Variants in AHR observed in about 807,000 individuals in gnomAD.
The protein encoded by AHR is aryl hydrocarbon receptor.
In AHR, 40 loss-of-function variants were observed where a neutral mutation model predicts 86.8. That is an observed-to-expected ratio of 0.46 (90% CI 0.36 to 0.60). AHR has a LOEUF of 0.60. Among genes scored for constraint, AHR ranks in the 20% least tolerant of loss-of-function variants. AHR has a pLI of 0.00. For synonymous variants in AHR, 398 were observed against 354.9 expected (o/e 1.12, Z -1.37); for missense variants, 1,001 against 1,011.6 (o/e 0.99, Z 0.14).
intron 9 of AHR, among the ~76,000 whole-genome samples, chr7:17,336,754 G>A (rs1266970969): frequency 1.3e-5 from 2 of 152,172 alleles, no homozygotes; most frequent in Non-Finnish European, 2.9e-5. Context: ...ATGGGTATGT[G>A]TGTACCTCTA....
intron 6 of AHR, among the ~76,000 whole-genome samples, chr7:17,331,438 A>G (rs1408295629): frequency 6.6e-6 from 1 of 151,948 alleles, no homozygotes; most frequent in Non-Finnish European, 1.5e-5. Flanking sequence ...TAACTCAGAA[A>G]ACTGTTCTTT....
rs71309046 is a variant in AHR, at chr7:17,321,594, T to TACACACACACACAC, written c.254-895_254-882dup. Among the ~76,000 whole-genome samples, 123 of 147,726 alleles carry TACACACACACACAC rather than the reference T, an allele frequency of 8.3e-4. 1 individual carries two copies. The highest frequency in any genetic ancestry group is 6.0e-3 in the South Asian group (28 of 4,664). ...TATAAATACATACATACCACACACA[T>TACACACACACACAC]ACACACACACACACACACACACACA... On this transcript the variant is annotated intron_variant, in intron 2 of 10. Coordinates refer to ENST00000242057, the MANE Select transcript of AHR (RefSeq NM_001621.5).
In AHR at chr7:17,339,373, G is replaced by T; in HGVS notation, c.1548G>T (p.Gln516His). 1.2e-6 allele frequency: 2 copies of T among 1,614,182 alleles called. No individual in the cohort carries two copies. Among genetic ancestry groups the T allele is most frequent in the African/African-American group, 1.3e-5 (1 of 75,036 alleles). Residue 516 changes from glutamine (Q) to histidine (H), a missense_variant, in exon 10 of 11, where the codon CAG becomes CAT. Coordinates refer to ENST00000242057, the MANE Select transcript of AHR (RefSeq NM_001621.5). The part of the protein sequence containing the change: ...DTILKHEQID[Q>H]PQDVNSFAGG... ...TCCTGAAACATGAGCAAATTGACCA[G>T]CCTCAGGATGTGAACTCATTTGCTG... is the stretch of plus-strand genomic sequence containing the variant.
intron 3 of AHR, among the ~76,000 whole-genome samples, chr7:17,326,658 G>A (rs1293819102): frequency 6.6e-6 from 1 of 152,242 alleles, no homozygotes; most frequent in East Asian, 1.9e-4. Flanking sequence ...TCTACCTGAT[G>A]AAGTGCCAGT....
intron 7 of AHR, among the ~76,000 whole-genome samples, 166 bp downstream of exon 7, chr7:17,334,280 G>C (rs1307547942): frequency 2.6e-5 from 4 of 151,876 alleles, no homozygotes; most frequent in Non-Finnish European, 5.9e-5. Flanking sequence ...ATTTAATCAG[G>C]CTCACAAATC....
intron 1 of AHR, among the ~76,000 whole-genome samples, chr7:17,302,203 A>G (rs1233277761): frequency 1.4e-5 from 2 of 141,934 alleles, no homozygotes; most frequent in East Asian, 2.1e-4. Flanking sequence ...ATAGGTGTTG[A>G]GAAAAGGGGA....
rs1405069819 is a variant in AHR, at chr7:17,343,088, GT to G, written c.*29del. 2 of 1,611,806 alleles carry G rather than the reference GT, an allele frequency of 1.2e-6. No homozygotes were observed. Among genetic ancestry groups the G allele is most frequent in the Non-Finnish European group, 1.7e-6 (2 of 1,178,696 alleles). On this transcript the variant is annotated 3_prime_UTR_variant, in exon 11 of 11. Coordinates refer to ENST00000242057, the MANE Select transcript of AHR (RefSeq NM_001621.5). ...AATTCCAAGCCCAATTTTGACCCTGGTTTTTGGATTAAATTAGTTTGTGAAG... is the reference window on the plus strand; with the variant it reads ...AATTCCAAGCCCAATTTTGACCCTGGTTTTGGATTAAATTAGTTTGTGAAG...
In AHR at chr7:17,327,784, T is replaced by A; in HGVS notation, c.386T>A (p.Val129Asp). 6.3e-7 allele frequency: 1 copy of A among 1,576,476 alleles called. No homozygotes were observed. Among genetic ancestry groups the A allele is most frequent in the Non-Finnish European group, 8.6e-7 (1 of 1,156,176 alleles). ...GCTCTGAATGGCTTTGTATTAGTTG[T>A]CACTACAGATGCTTTGGTCTTTTAT... ...LQALNGFVLVVTTDALVFYAS... is the reference protein window; with the variant it reads ...LQALNGFVLVDTTDALVFYAS... Residue 129 changes from valine to aspartate, a missense_variant, in exon 4 of 11, where the codon GTC becomes GAC. Coordinates refer to ENST00000242057, the MANE Select transcript of AHR (RefSeq NM_001621.5).
At chr7:17,320,991 C>G (rs1473204930) in intron 2 of AHR, among the ~76,000 whole-genome samples, 1 of 152,096 alleles carries the variant, frequency 6.6e-6, no homozygotes, top group Non-Finnish European at 1.5e-5. Context: ...ATATGAAAGA[C>G]TGCAGACAGG....
chr7:17,324,690 T>C (rs1291831541), intron 3 of AHR, among the ~76,000 whole-genome samples: 1 of 151,484 alleles, frequency 6.6e-6, no homozygotes, highest in Non-Finnish European at 1.5e-5. Flanking sequence ...TAATCCTAGA[T>C]ACCCAGGAGG....
At chr7:17,340,327 C>G in intron 10 of AHR, 99 bp downstream of exon 10, 1 of 1,422,352 alleles carries the variant, frequency 7.0e-7, no homozygotes, top group South Asian at 1.5e-5. Flanking sequence ...AATCGGTTAT[C>G]TACAGCATTC....
rs1451830898 is a variant in AHR, at chr7:17,299,825, C to T, written c.65+496C>T. 2.6e-5 allele frequency among the ~76,000 whole-genome samples: 4 copies of T among 152,304 alleles called. No homozygotes were observed. In the South Asian group the frequency reaches 8.3e-4, roughly 32 times the overall value. Reference sequence around the variant, plus strand: ...AAGGGGCTGAGTGCCTCTAAAGGTACTTTTTGGTCCCCACCAACTGGCTTT... The same window carrying T: ...AAGGGGCTGAGTGCCTCTAAAGGTATTTTTTGGTCCCCACCAACTGGCTTT... On this transcript the variant is annotated intron_variant, in intron 1 of 10. Coordinates refer to ENST00000242057, the MANE Select transcript of AHR (RefSeq NM_001621.5).
chr7:17,324,173 T>C (rs936402095), intron 3 of AHR, among the ~76,000 whole-genome samples: 30 of 152,236 alleles, frequency 2.0e-4, no homozygotes, highest in Admixed American at 1.2e-3. Flanking sequence ...CTTAAGAAGT[T>C]AAAATAAACT....
rs765854852 is a variant in AHR at position 17,310,015 on chromosome 7, C to T, written c.145C>T (p.Arg49Cys). 1.9e-6 allele frequency: 3 copies of T among 1,613,828 alleles called. No homozygotes were observed. Among genetic ancestry groups the T allele is most frequent in the Middle Eastern group, 1.7e-4 (1 of 6,060 alleles). ...AGACCGACTTAATACAGAGTTGGACCGTTTGGCTAGCCTGCTGCCTTTCCC... is the reference window on the plus strand; with the variant it reads ...AGACCGACTTAATACAGAGTTGGACTGTTTGGCTAGCCTGCTGCCTTTCCC... ...HRDRLNTELDRLASLLPFPQD... is the reference protein window; with the variant it reads ...HRDRLNTELDCLASLLPFPQD... Residue 49 changes from arginine to cysteine, a missense_variant, in exon 2 of 11, where the codon CGT becomes TGT. Transcript: ENST00000242057.
At chr7:17,315,827 T>C (rs1340581492) in intron 2 of AHR, among the ~76,000 whole-genome samples, 2 of 152,078 alleles carry the variant, frequency 1.3e-5, no homozygotes, top group Non-Finnish European at 2.9e-5. Flanking sequence ...TAAATCTTGC[T>C]CTTACAGCCT....
At chr7:17,306,890 A>G (rs1359316872) in intron 1 of AHR, among the ~76,000 whole-genome samples, 1 of 152,172 alleles carries the variant, frequency 6.6e-6, no homozygotes, top group Admixed American at 6.5e-5. Context: ...TGGTCAGCAA[A>G]CATTAATTGA....
In AHR at chr7:17,310,218, C is replaced by T. The variant is rs373770214; in HGVS notation, c.253+95C>T. On this transcript the variant is annotated intron_variant, in intron 2 of 10. Transcript: ENST00000242057. ...TGTGTTAATAACTACAAAAATTAGCCGTATTTGGAAAATTTATTGCTGTAT... is the reference window on the plus strand; with the variant it reads ...TGTGTTAATAACTACAAAAATTAGCTGTATTTGGAAAATTTATTGCTGTAT... The T allele has an allele frequency of 2.2e-5, 26 of 1,206,874 alleles. No homozygotes were observed. In the Admixed American group the frequency reaches 3.2e-4, roughly 15 times the overall value. 74.8% of individuals were successfully genotyped at this position (1,206,874 alleles called of 1,614,324 possible). A position where few individuals can be genotyped will look rare whatever the true frequency, so the allele number is the denominator to read the frequency against.
chr7:17,342,241 C>A (rs1782434201), intron 10 of AHR, among the ~76,000 whole-genome samples: 1 of 152,058 alleles, frequency 6.6e-6, no homozygotes, highest in South Asian at 2.1e-4. Context: ...ATCTTCATGT[C>A]CTTCCTTTTT....
chr7:17,320,092 C>A (rs1458678093), intron 2 of AHR, among the ~76,000 whole-genome samples: 1 of 152,102 alleles, frequency 6.6e-6, no homozygotes, highest in East Asian at 1.9e-4. Flanking sequence ...ATCCTTCCAA[C>A]ATTTGGAATT....
Sources: gnomAD v4.1 joint callset for allele counts (sites outside exome capture counted in the v4.1 genomes callset) on GRCh38, gnomAD v4.1.1 for gene constraint, MANE v1.5 for transcripts, NCBI Gene and HGNC (gene_info 2026-07-23, HGNC 2026-07-21) for gene names.